FANK1: variants seen among roughly 807,000 people sequenced by gnomAD.
FANK1 encodes the protein fibronectin type 3 and ankyrin repeat domains protein 1.
A neutral mutation model predicts 45.3 loss-of-function variants in FANK1; 44 were observed. The observed-to-expected ratio is 0.97, with a 90% confidence interval of 0.76 to 1.25. The LOEUF (loss-of-function observed/expected upper bound fraction) is 1.25, where lower values mean the gene tolerates loss of function less well. Ranked by LOEUF, FANK1 falls within the 50% of genes most tolerant of loss-of-function variation. FANK1 has a pLI of 0.00. For missense variants in FANK1, 391 were observed against 424.4 expected, an observed-to-expected ratio of 0.92 and a Z score of 0.69; for synonymous variants, 149 against 152.5, an observed-to-expected ratio of 0.98 and a Z score of 0.17.
chr10:125,942,148 A>G (rs1264944692), intron 1 of FANK1, among the ~76,000 whole-genome samples: 1 of 152,262 alleles, frequency 6.6e-6, no homozygotes, highest in Non-Finnish European at 1.5e-5. Flanking sequence ...CAGAGTTAAT[A>G]TAGGAAGGGA....
chr10:125,964,186 C>CTTTT lies in FANK1; in HGVS notation c.14-15954_14-15951dup, dbSNP rs71486557. On this transcript the variant is annotated intron_variant, in intron 1 of 10. Coordinates refer to ENST00000368693, the MANE Select transcript of FANK1 (RefSeq NM_145235.5). ...ATGTAGATTATATCATTCTCTCTCT[C>CTTTT]TTTTTTTTTTTTTTTTTTTTTTTTG... Among the ~76,000 whole-genome samples the CTTTT allele has an allele frequency of 2.1e-3, 166 of 78,430 alleles. 1 individual carries two copies. Among genetic ancestry groups the CTTTT allele is most frequent in the African/African-American group, 3.7e-3 (69 of 18,414 alleles). The allele number at this position is 78,430 out of a possible 152,430, so 51.5% of individuals were successfully genotyped here. A position where few individuals can be genotyped will look rare whatever the true frequency, so the allele number is the denominator to read the frequency against.
intron 1 of FANK1, among the ~76,000 whole-genome samples, chr10:125,896,934 C>T (rs926268932): frequency 1.3e-5 from 2 of 152,152 alleles, no homozygotes; most frequent in African/African-American, 4.8e-5. Context: ...GGCGCAGCGA[C>T]CCCAGCGTGC....
chr10:125,899,329 G>C (rs1944849901), intron 1 of FANK1, among the ~76,000 whole-genome samples: 1 of 152,004 alleles, frequency 6.6e-6, no homozygotes, highest in Non-Finnish European at 1.5e-5. Context: ...CAAAGTGCTG[G>C]GATTACAGGC....
chr10:125,899,766 T>C (rs1323246127), intron 1 of FANK1, among the ~76,000 whole-genome samples: 2 of 152,206 alleles, frequency 1.3e-5, no homozygotes, highest in African/African-American at 4.8e-5. Flanking sequence ...TAACAGTACA[T>C]TGTTTATGCC....
At chr10:125,897,998 CAAAAAAAAAAAAAAAAAA>C (rs373550249) in intron 1 of FANK1, among the ~76,000 whole-genome samples, 23 of 16,796 alleles carry the variant, frequency 1.4e-3, no homozygotes, top group East Asian at 6.8e-3. Context: ...TACTAAAATA[CAAAAAAAAAAAAAAAAAA>C]AAAAAAAAAA....
At chr10:125,902,852 A>T (rs1235720532) in intron 1 of FANK1, among the ~76,000 whole-genome samples, 49 of 152,260 alleles carry the variant, frequency 3.2e-4, no homozygotes, top group African/African-American at 1.1e-3. Flanking sequence ...TCTGTATAAC[A>T]TTTTTTTCTC....
chr10:125,982,507 G>A (rs554642614), intron 2 of FANK1, among the ~76,000 whole-genome samples: 1 of 152,336 alleles, frequency 6.6e-6, no homozygotes, highest in Admixed American at 6.5e-5. Flanking sequence ...TTGACGCTAG[G>A]TGGCAGAATT....
intron 1 of FANK1, among the ~76,000 whole-genome samples, chr10:125,972,573 A>T (rs1013566682): frequency 2.6e-5 from 4 of 152,146 alleles, no homozygotes; most frequent in Non-Finnish European, 5.9e-5. Flanking sequence ...ACTAGCTCTT[A>T]CCTGATGAGG....
intron 1 of FANK1, among the ~76,000 whole-genome samples, chr10:125,979,139 T>G (rs35958975): frequency 0.4 from 60,755 of 151,742 alleles, 12,321 homozygotes; most frequent in South Asian, 0.46. Flanking sequence ...GGCAGGGGAG[T>G]ATCCCCTGGC....
At chr10:125,959,592 C>T (rs1437497492) in intron 1 of FANK1, among the ~76,000 whole-genome samples, 1 of 152,032 alleles carries the variant, frequency 6.6e-6, no homozygotes, top group Non-Finnish European at 1.5e-5. Context: ...AGAAACAGCT[C>T]CCGTGTTAAG....
At chr10:125,970,814 A>C (rs1215129416) in intron 1 of FANK1, among the ~76,000 whole-genome samples, 1 of 152,134 alleles carries the variant, frequency 6.6e-6, no homozygotes, top group East Asian at 1.9e-4. Flanking sequence ...TGAGAGATGG[A>C]GACGAGGGAG....
At chr10:125,914,727 G>A (rs2134119993) in intron 1 of FANK1, among the ~76,000 whole-genome samples, 1 of 152,280 alleles carries the variant, frequency 6.6e-6, no homozygotes, top group Non-Finnish European at 1.5e-5. Flanking sequence ...TATTGGCTCA[G>A]TGGAAAATGT....
At chr10:126,001,245 A>G (rs1312869049) in intron 6 of FANK1, among the ~76,000 whole-genome samples, 1 of 152,258 alleles carries the variant, frequency 6.6e-6, no homozygotes, top group African/African-American at 2.4e-5. Context: ...GTTATGATAC[A>G]TTCATATGAT....
Position 125,996,484 on chromosome 10 carries a change from C to A in FANK1, c.399-66C>A, listed in dbSNP as rs902758035. Reference sequence around the variant, plus strand: ...TTTACCCACCTAAGCCCTGTGAGAACCACCGGCTTTGACTCTGCAGTAGCT... The same window carrying A: ...TTTACCCACCTAAGCCCTGTGAGAAACACCGGCTTTGACTCTGCAGTAGCT... On this transcript the variant is annotated intron_variant, in intron 4 of 10. Transcript: ENST00000368693. 6.7e-6 allele frequency: 10 copies of A among 1,491,750 alleles called. No individual in the cohort carries two copies. The East Asian group carries it at 2.3e-4, about 34-fold the overall frequency. 92.4% of individuals were successfully genotyped at this position (1,491,750 alleles called of 1,614,324 possible).
chr10:125,936,763 G>A (rs921599750), intron 1 of FANK1, among the ~76,000 whole-genome samples: 4 of 151,890 alleles, frequency 2.6e-5, no homozygotes, highest in Non-Finnish European at 5.9e-5. Flanking sequence ...TCTTGTTTTT[G>A]GCTATTATGA....
At chr10:125,982,778 A>G (rs1951302682) in intron 2 of FANK1, among the ~76,000 whole-genome samples, 1 of 152,086 alleles carries the variant, frequency 6.6e-6, no homozygotes, top group African/African-American at 2.4e-5. Context: ...CCATTTGTAG[A>G]ATTGCTTCTG....
chr10:125,934,724 G>GGTTTT (rs1564888158), intron 1 of FANK1, among the ~76,000 whole-genome samples: 1 of 26,418 alleles, frequency 3.8e-5, no homozygotes, highest in Non-Finnish European at 7.3e-5. Context: ...TACCCCTACC[G>GGTTTT]TTTTTTTTTT....
intron 1 of FANK1, chr10:125,960,335 C>A: frequency 4.2e-6 from 1 of 236,384 alleles, no homozygotes; most frequent in East Asian, 1.3e-4. Flanking sequence ...CCTTGATCCT[C>A]TCCACGCCGA....
At chr10:125,944,646 G>T (rs1948657377) in intron 1 of FANK1, among the ~76,000 whole-genome samples, 2 of 152,228 alleles carry the variant, frequency 1.3e-5, no homozygotes, top group Admixed American at 1.3e-4. Flanking sequence ...CACCTGGCCT[G>T]CCCAGGGTGG....
Sources: allele counts gnomAD v4.1 joint callset (sites outside exome capture counted in the v4.1 genomes callset), GRCh38; gene constraint gnomAD v4.1.1; transcripts MANE v1.5; gene names NCBI Gene and HGNC (gene_info 2026-07-23, HGNC 2026-07-21).